MYO5B: variants seen among roughly 807,000 people sequenced by gnomAD.
MYO5B encodes the protein unconventional myosin-Vb.
Under a neutral mutation model 229.3 loss-of-function variants are expected in MYO5B, and 143 were observed. That is an observed-to-expected ratio of 0.62 (90% CI 0.54 to 0.72). The LOEUF (loss-of-function observed/expected upper bound fraction) is 0.72. Among genes scored for constraint, MYO5B ranks in the 30% least tolerant of loss-of-function variants. The probability of loss-of-function intolerance (pLI) is 0.00; values close to 1 mark genes in which losing one functional copy is unlikely to be tolerated. For synonymous variants in MYO5B, 918 were observed against 885.2 expected (o/e 1.04, Z -0.66); for missense variants, 2,321 against 2,331.0 (o/e 1.00, Z 0.09).
intron 1 of MYO5B, among the ~76,000 whole-genome samples, chr18:50,056,021 C>T (rs766329649): frequency 2.6e-5 from 4 of 152,134 alleles, no homozygotes; most frequent in African/African-American, 4.8e-5. Flanking sequence ...GTGATCCTCC[C>T]GTCTCAGCCT....
intron 31 of MYO5B, among the ~76,000 whole-genome samples, chr18:49,852,283 G>T (rs1158091308): frequency 6.6e-6 from 1 of 152,248 alleles, no homozygotes; most frequent in South Asian, 2.1e-4. Flanking sequence ...AGGGAACATA[G>T]GCCACCAAAT....
intron 16 of MYO5B, among the ~76,000 whole-genome samples, chr18:49,930,025 A>G (rs1472291151): frequency 1.3e-5 from 2 of 152,180 alleles, no homozygotes; most frequent in Non-Finnish European, 2.9e-5. Flanking sequence ...CATTAAAAGG[A>G]TGAGTTTCAG....
intron 4 of MYO5B, among the ~76,000 whole-genome samples, chr18:50,016,411 G>A (rs1422175688): frequency 6.6e-6 from 1 of 152,102 alleles, no homozygotes; most frequent in Non-Finnish European, 1.5e-5. Context: ...TTTCCATATT[G>A]GTTAGCATGT....
In MYO5B at chr18:49,837,719, C is replaced by T. The variant is rs1430496487; in HGVS notation, c.4936G>A (p.Ala1646Thr). ...AGGCAGTATGAGTTATCCCCATCTG[C>T]CATGCTGGAGGAGCGCTTCCGGTAG... ...TGYRKRSSSMADGDNSYCLEA... is the reference protein window; with the variant it reads ...TGYRKRSSSMTDGDNSYCLEA... Residue 1646 changes from alanine to threonine, a missense_variant, in exon 37 of 40, where the codon GCA becomes ACA. This residue lies in a region of MYO5B where 208 missense variants were observed against 286.3 expected (regional missense o/e 0.73). Coordinates refer to ENST00000285039, the MANE Select transcript of MYO5B (RefSeq NM_001080467.3). 5 of 1,614,060 alleles carry T rather than the reference C, an allele frequency of 3.1e-6. No individual in the cohort carries two copies. In the Admixed American group the frequency reaches 6.7e-5, roughly 22 times the overall value.
At chr18:50,139,888 A>G (rs1406689417) in intron 1 of MYO5B, among the ~76,000 whole-genome samples, 1 of 152,206 alleles carries the variant, frequency 6.6e-6, no homozygotes, top group African/African-American at 2.4e-5. Context: ...CAAATCTACC[A>G]TCAGTGTAGT....
chr18:49,854,156 C>A (rs1206829358), intron 30 of MYO5B, among the ~76,000 whole-genome samples: 1 of 152,178 alleles, frequency 6.6e-6, no homozygotes, highest in Non-Finnish European at 1.5e-5. Flanking sequence ...CCTTTTTTAT[C>A]TTTACCATTA....
chr18:50,143,802 G>C (rs1474472109), intron 1 of MYO5B, among the ~76,000 whole-genome samples: 1 of 152,170 alleles, frequency 6.6e-6, no homozygotes, highest in Non-Finnish European at 1.5e-5. Context: ...CACAATTTGT[G>C]TACAGGCTTG....
chr18:50,162,408 T>G (rs969140097), intron 1 of MYO5B, among the ~76,000 whole-genome samples: 1 of 152,052 alleles, frequency 6.6e-6, no homozygotes, highest in African/African-American at 2.4e-5. Flanking sequence ...AGGGAAGCAG[T>G]AAAACATCTA....
chr18:49,830,816 T>TGAG (rs1447073811), intron 39 of MYO5B, among the ~76,000 whole-genome samples: 1 of 118,906 alleles, frequency 8.4e-6, no homozygotes, highest in African/African-American at 3.3e-5. Context: ...GGTGATAGAG[T>TGAG]GAGACTCTGT....
At chr18:50,052,873 T>C (rs1252433024) in intron 2 of MYO5B, among the ~76,000 whole-genome samples, 1 of 152,160 alleles carries the variant, frequency 6.6e-6, no homozygotes, top group Non-Finnish European at 1.5e-5. Flanking sequence ...GAAGGTCCTA[T>C]CATAAGTCAG....
At chr18:49,874,056 C>G (rs547002486) in intron 26 of MYO5B, among the ~76,000 whole-genome samples, 1 of 152,302 alleles carries the variant, frequency 6.6e-6, no homozygotes, top group African/African-American at 2.4e-5. Context: ...TCCAAAAGCT[C>G]CATTTCAGGG....
At chr18:50,159,263 G>A (rs936981046) in intron 1 of MYO5B, among the ~76,000 whole-genome samples, 5 of 152,000 alleles carry the variant, frequency 3.3e-5, no homozygotes, top group African/African-American at 4.8e-5. Context: ...TTACGCCCCC[G>A]CCAACTGCCA....
chr18:50,049,620 G>T (rs1216462261), intron 2 of MYO5B, among the ~76,000 whole-genome samples: 1 of 152,176 alleles, frequency 6.6e-6, no homozygotes, highest in East Asian at 1.9e-4. Context: ...GTTCTCTGTT[G>T]TGGGGGTGCC....
At chr18:50,127,013 C>T (rs1488354029) in intron 1 of MYO5B, among the ~76,000 whole-genome samples, 1 of 152,178 alleles carries the variant, frequency 6.6e-6, no homozygotes, top group Non-Finnish European at 1.5e-5. Context: ...AGAGAGTTAG[C>T]TGTTATTCTC....
chr18:50,123,611 A>G (rs1284152677), intron 1 of MYO5B, among the ~76,000 whole-genome samples: 3 of 152,110 alleles, frequency 2.0e-5, no homozygotes, highest in Admixed American at 6.5e-5. Context: ...ATGGTGGTGC[A>G]CCGTACAGTC....
At chr18:50,099,589 G>A (rs1387502803) in intron 1 of MYO5B, among the ~76,000 whole-genome samples, 1 of 152,170 alleles carries the variant, frequency 6.6e-6, no homozygotes, top group East Asian at 1.9e-4. Flanking sequence ...GGCCACCACA[G>A]AACACAAGGA....
chr18:50,186,627 C>T (rs151196711), intron 1 of MYO5B, among the ~76,000 whole-genome samples: 600 of 152,262 alleles, frequency 3.9e-3, no homozygotes, highest in Non-Finnish European at 6.5e-3. Flanking sequence ...AACATGCTAG[C>T]CACATAATGC....
intron 4 of MYO5B, among the ~76,000 whole-genome samples, chr18:50,035,323 C>T (rs555670273): frequency 1.8e-4 from 28 of 152,296 alleles, no homozygotes; most frequent in African/African-American, 5.5e-4. Flanking sequence ...AGTCTTAGAG[C>T]GCTGTCAGAG....
chr18:49,925,130 G>A (rs965851511), intron 17 of MYO5B, among the ~76,000 whole-genome samples: 4 of 152,150 alleles, frequency 2.6e-5, no homozygotes, highest in African/African-American at 9.7e-5. Flanking sequence ...TAATAGAACA[G>A]ACTCTATATC....
Sources: gnomAD v4.1 joint callset for allele counts (sites outside exome capture counted in the v4.1 genomes callset) on GRCh38, gnomAD v4.1.1 for gene constraint, gnomAD v4.1.1 regional missense constraint, MANE v1.5 for transcripts, NCBI Gene and HGNC (gene_info 2026-07-23, HGNC 2026-07-21) for gene names.